The following SLC9C1 variants were observed in gnomAD, a reference collection of about 807,000 sequenced individuals.
SLC9C1 encodes the protein solute carrier family 9 member C1.
SLC9C1 carries 97 observed loss-of-function variants against 140.9 expected under a neutral mutation model. The ratio of observed to expected loss-of-function variants is 0.69; its 90% CI spans 0.58 to 0.82. The LOEUF (loss-of-function observed/expected upper bound fraction) is 0.82. Among genes scored for constraint, SLC9C1 ranks in the 40% least tolerant of loss-of-function variants. SLC9C1 has a pLI of 0.00. For missense variants in SLC9C1, 1,340 were observed against 1,389.3 expected (o/e 0.96, Z 0.56); for synonymous variants, 440 against 442.6 (o/e 0.99, Z 0.07).
At chr3:112,153,748 G>A (rs944564387) in intron 27 of SLC9C1, among the ~76,000 whole-genome samples, 1 of 152,146 alleles carries the variant, frequency 6.6e-6, no homozygotes, top group Non-Finnish European at 1.5e-5. Context: ...AAAATTTGCC[G>A]AAGGTCACGT....
At chr3:112,268,889 A>G (rs1440925777) in intron 7 of SLC9C1, among the ~76,000 whole-genome samples, 2 of 152,190 alleles carry the variant, frequency 1.3e-5, no homozygotes, top group Non-Finnish European at 2.9e-5. Flanking sequence ...GGCTGTCTGA[A>G]GAGCTGAGTT....
chr3:112,288,107 A>AT (rs909827333), intron 1 of SLC9C1, among the ~76,000 whole-genome samples: 10 of 150,200 alleles, frequency 6.7e-5, no homozygotes, highest in African/African-American at 2.0e-4. Flanking sequence ...AACCTGGCAA[A>AT]TTTTTTTTTC....
chr3:112,224,241 C>T (rs2108137548), intron 13 of SLC9C1, among the ~76,000 whole-genome samples: 1 of 152,284 alleles, frequency 6.6e-6, no homozygotes, highest in African/African-American at 2.4e-5. Context: ...TGTATTGAGG[C>T]TATGCTATTG....
chr3:112,270,145 T>G (rs13069541), intron 6 of SLC9C1, 68 bp from the exon 7 acceptor site: 480,776 of 1,401,316 alleles, frequency 0.34, 84,718 homozygotes, highest in East Asian at 0.43. Flanking sequence ...TGATATTCCT[T>G]GTTAATTTTC....
At chr3:112,177,005 C>CTTTTTT (rs57879370) in intron 23 of SLC9C1, among the ~76,000 whole-genome samples, 6 of 104,716 alleles carry the variant, frequency 5.7e-5, no homozygotes, top group South Asian at 3.3e-4. Flanking sequence ...CTCTCTCTCT[C>CTTTTTT]TTTTTTTTTT....
At chr3:112,154,700 C>T (rs1308489805) in intron 27 of SLC9C1, among the ~76,000 whole-genome samples, 1 of 152,100 alleles carries the variant, frequency 6.6e-6, no homozygotes, top group Admixed American at 6.6e-5. Context: ...GTGGAAAGGG[C>T]TTGGGTGTGC....
At chr3:112,259,346 G>A (rs2079704316) in intron 10 of SLC9C1, among the ~76,000 whole-genome samples, 1 of 150,964 alleles carries the variant, frequency 6.6e-6, no homozygotes, top group African/African-American at 2.4e-5. Flanking sequence ...TAACTATTGG[G>A]AACTAGGCTT....
chr3:112,262,938 T>G lies in SLC9C1; in HGVS notation c.1183A>C (p.Lys395Gln). Residue 395 changes from lysine (K) to glutamine (Q), a missense_variant, in exon 10 of 29, where the codon AAA (lysine) becomes CAA (glutamine). Lys to Gln is a moderately conservative substitution (Grantham distance 53, BLOSUM62 1). Coordinates refer to ENST00000305815, the MANE Select transcript of SLC9C1 (RefSeq NM_183061.3). ...GCTTTCTTTACTTGAGATTTTTCTT[T>G]GTCAGATCCAAAATAAAGATCAGAG... ...AYSDLYFGSDKEKSQILFHGV... is the reference protein window; with the variant it reads ...AYSDLYFGSDQEKSQILFHGV... The G allele has an allele frequency of 6.4e-7, 1 of 1,573,436 alleles. No individual in the cohort carries two copies. Among genetic ancestry groups the G allele is most frequent in the Non-Finnish European group, 8.6e-7 (1 of 1,166,804 alleles).
At chr3:112,279,043 A>C (rs187267043) in intron 3 of SLC9C1, 186 bp from the exon 4 acceptor site, 37 of 487,270 alleles carry the variant, frequency 7.6e-5, no homozygotes, top group African/African-American at 6.1e-4. Flanking sequence ...TGTAGAAGAT[A>C]TGTGTGGAAG....
At chr3:112,230,485 A>G (rs2078791234) in intron 13 of SLC9C1, among the ~76,000 whole-genome samples, 1 of 152,220 alleles carries the variant, frequency 6.6e-6, no homozygotes, top group African/African-American at 2.4e-5. Flanking sequence ...ATAAAGCACC[A>G]TGTGGGCATT....
intron 28 of SLC9C1, among the ~76,000 whole-genome samples, chr3:112,150,591 A>C (rs542851960): frequency 6.6e-6 from 1 of 152,004 alleles, no homozygotes; most frequent in South Asian, 2.1e-4. Context: ...CTATCTTGCT[A>C]CTTCAAAGTG....
chr3:112,179,818 G>A (rs183754746), intron 22 of SLC9C1, 117 bp from the exon 23 acceptor site: 2 of 732,040 alleles, frequency 2.7e-6, no homozygotes, highest in African/African-American at 1.8e-5. Context: ...ATATTGTCTT[G>A]AGAATAAATA....
At position 112,193,758 on chromosome 3, in the gene SLC9C1, C is replaced by T. The variant is rs552021220; in HGVS notation, c.2523+5563G>A. ...TGTTATCTACTTGCTGGCTTGTGGG[C>T]CTCTCCTGGTTGCAGGAGAGACACA... is the stretch of plus-strand genomic sequence containing the variant. On this transcript the variant is annotated intron_variant, in intron 20 of 28. Transcript: ENST00000305815. Among the ~76,000 whole-genome samples the T allele has an allele frequency of 3.9e-4, 59 of 152,168 alleles. 2 individuals carry two copies. The Middle Eastern group carries it at 0.01, about 26-fold the overall frequency.
At chr3:112,158,776 T>C (rs2075200547) in intron 26 of SLC9C1, among the ~76,000 whole-genome samples, 1 of 151,920 alleles carries the variant, frequency 6.6e-6, no homozygotes, top group African/African-American at 2.4e-5. Flanking sequence ...AATTTATCCA[T>C]TTCTTCTAGG....
chr3:112,198,533 A>T (rs544745689), intron 20 of SLC9C1, among the ~76,000 whole-genome samples: 3 of 151,992 alleles, frequency 2.0e-5, no homozygotes, highest in African/African-American at 7.2e-5. Flanking sequence ...TTGCTATCTA[A>T]CACAAAGTTT....
chr3:112,293,945 A>G (rs2080763671), intron 1 of SLC9C1, 148 bp downstream of exon 1: 1 of 152,244 alleles, frequency 6.6e-6, no homozygotes, highest in South Asian at 2.1e-4. Flanking sequence ...CTGCCACAAG[A>G]AAGGCAGAAG....
chr3:112,221,159 CACCA>C lies in SLC9C1; in HGVS notation c.1635_1638del (p.Gly546GlnfsTer13), dbSNP rs761088455. Reference sequence around the variant, plus strand: ...TTCTTCTCACCAAAACTTTCTGCTGCACCAACCAACACCTGGACAGCACTCTGGG... The same window carrying C: ...TTCTTCTCACCAAAACTTTCTGCTGCACCAACACCTGGACAGCACTCTGGG... On this transcript the variant is annotated frameshift_variant, in exon 14 of 29. Coordinates refer to ENST00000305815, the MANE Select transcript of SLC9C1 (RefSeq NM_183061.3). LOFTEE classifies it high-confidence loss of function. The C allele has an allele frequency of 2.5e-6, 4 of 1,613,644 alleles. No individual in the cohort carries two copies. Among genetic ancestry groups the C allele is most frequent in the Admixed American group, 3.3e-5 (2 of 59,944 alleles).
intron 7 of SLC9C1, among the ~76,000 whole-genome samples, chr3:112,268,229 C>G (rs1167518755): frequency 1.3e-5 from 2 of 152,114 alleles, no homozygotes; most frequent in Non-Finnish European, 2.9e-5. Flanking sequence ...TGATCATTCT[C>G]TCACTGTCTG....
chr3:112,231,915 C>T (rs1336436177), intron 12 of SLC9C1, among the ~76,000 whole-genome samples: 1 of 152,062 alleles, frequency 6.6e-6, no homozygotes, highest in Non-Finnish European at 1.5e-5. Context: ...TCTAAAACCC[C>T]ATTTGAAAAT....
Sources: allele counts gnomAD v4.1 joint callset (sites outside exome capture counted in the v4.1 genomes callset), GRCh38; gene constraint gnomAD v4.1.1; transcripts MANE v1.5; gene names NCBI Gene and HGNC (gene_info 2026-07-23, HGNC 2026-07-21).